Variants in SLC38A8 observed in about 807,000 individuals in gnomAD.
SLC38A8 encodes amino acid transporter SLC38A8.
SLC38A8 carries 65 observed loss-of-function variants against 46.0 expected under a neutral mutation model. That is an observed-to-expected ratio of 1.41 (90% CI 1.16 to 1.74). The LOEUF (loss-of-function observed/expected upper bound fraction) is 1.74. Among genes scored for constraint, SLC38A8 ranks in the 40% most tolerant of loss-of-function variants. The probability of loss-of-function intolerance (pLI) is 0.00; values close to 1 mark genes in which losing one functional copy is unlikely to be tolerated. For missense variants in SLC38A8, 998 were observed against 567.9 expected (o/e 1.76, Z -7.70); for synonymous variants, 447 against 243.7 (o/e 1.83, Z -7.77).
chr16:84,028,487 G>T (rs372415214), intron 6 of SLC38A8, among the ~76,000 whole-genome samples: 1 of 151,046 alleles, frequency 6.6e-6, no homozygotes, highest in East Asian at 1.9e-4. Flanking sequence ...CAGGAGGCTT[G>T]AACCCAGGAG....
intron 6 of SLC38A8, among the ~76,000 whole-genome samples, chr16:84,023,931 T>A (rs151086885): frequency 1.8e-4 from 27 of 152,306 alleles, no homozygotes; most frequent in Non-Finnish European, 3.1e-4. Flanking sequence ...AATGTTTCCG[T>A]TAATGGATGC....
At chr16:84,033,306 C>G in intron 4 of SLC38A8, 22 bp downstream of exon 4, 3 of 1,613,908 alleles carry the variant, frequency 1.9e-6, no homozygotes, top group Non-Finnish European at 2.5e-6. Context: ...GGGCCCCCAC[C>G]AGGCAGCATC....
chr16:84,029,373 G>A (rs979940500), intron 6 of SLC38A8, 121 bp downstream of exon 6: 3 of 989,250 alleles, frequency 3.0e-6, no homozygotes, highest in African/African-American at 3.3e-5. Context: ...AGAGCCCACT[G>A]TATCCTAGGA....
In SLC38A8 at chr16:84,016,551, C is replaced by A. The variant is rs777742885; in HGVS notation, c.1130G>T (p.Gly377Val). The part of the protein sequence containing the change: ...DLSEIVSIIG[G>V]ISSFFIFIFP... ...GATGAAGATGAAGAAGGAACTGATG[C>A]CTCCGATGATGCTGACGATCTCGCT... The change falls in exon 9 of 11, where the codon GGC (glycine) becomes GTC (valine). Residue 377 changes from glycine to valine, a missense_variant. By Grantham distance (109) the Gly-to-Val change is moderately radical (BLOSUM62 -3). Coordinates refer to ENST00000299709, the MANE Select transcript of SLC38A8 (RefSeq NM_001080442.3). 27 of 1,614,082 alleles carry A rather than the reference C, an allele frequency of 1.7e-5. No homozygotes were observed. The highest frequency in any genetic ancestry group is 2.0e-5 in the Non-Finnish European group (24 of 1,180,002).
chr16:84,018,137 G>C (rs1218188267), intron 7 of SLC38A8, among the ~76,000 whole-genome samples: 6 of 151,966 alleles, frequency 3.9e-5, no homozygotes, highest in Non-Finnish European at 7.4e-5. Flanking sequence ...CCACACTGGT[G>C]AGGGCCTTCT....
chr16:84,012,915 G>A (rs1024818233), intron 10 of SLC38A8, 86 bp downstream of exon 10: 10 of 1,429,496 alleles, frequency 7.0e-6, no homozygotes, highest in Non-Finnish European at 9.8e-6. Context: ...CAGAGGATGA[G>A]AAATAGGATC....
chr16:84,017,269 G>A lies in SLC38A8; in HGVS notation c.824C>T (p.Thr275Ile), dbSNP rs760712726. The A allele has an allele frequency of 6.2e-7, 1 of 1,613,986 alleles. No individual in the cohort carries two copies. Among genetic ancestry groups the A allele is most frequent in the Non-Finnish European group, 8.5e-7 (1 of 1,180,038 alleles). The change falls in exon 8 of 11, where the codon ACT becomes ATT. Residue 275 changes from threonine to isoleucine, a missense_variant. By Grantham distance (89) the Thr-to-Ile change is moderately conservative. Coordinates refer to ENST00000299709, the MANE Select transcript of SLC38A8 (RefSeq NM_001080442.3). ...YSLTGVYGFL[T>I]FGTEVSADVL... The stretch of plus-strand genomic sequence containing the variant: ...GTCAGCAGAAACTTCTGTCCCAAAA[G>A]TCAGGAAGCCATAAACCCCTGAAGG...
Position 84,029,507 on chromosome 16 carries a change from C to T in SLC38A8, c.677G>A (p.Cys226Tyr). The T allele has an allele frequency of 3.1e-6, 5 of 1,614,090 alleles. No homozygotes were observed. Among genetic ancestry groups the T allele is most frequent in the Non-Finnish European group, 4.2e-6 (5 of 1,179,994 alleles). ...TSVFSVFPTI[C>Y]FGFQCHEAAV... ...TGCTAAAATTACCTGAAACCCGAAG[C>T]AGATGGTGGGGAAGACACTGAACAC... The change falls in exon 6 of 11, where the codon TGC (cysteine) becomes TAC (tyrosine). Residue 226 changes from cysteine (C) to tyrosine (Y), a missense_variant. By Grantham distance (194) the Cys-to-Tyr change is radical (BLOSUM62 -2). Transcript: ENST00000299709.
chr16:84,038,633 G>A (rs2085329843), intron 2 of SLC38A8, among the ~76,000 whole-genome samples: 1 of 152,198 alleles, frequency 6.6e-6, no homozygotes, highest in South Asian at 2.1e-4. Context: ...GTGTATTGCT[G>A]GAAGATGTAC....
At chr16:84,032,422 C>T (rs913859415) in intron 4 of SLC38A8, among the ~76,000 whole-genome samples, 4 of 152,170 alleles carry the variant, frequency 2.6e-5, no homozygotes, top group South Asian at 2.1e-4. Flanking sequence ...CTGCTGACCT[C>T]GTGATCTGCC....
chr16:84,031,412 C>T (rs1197944745), intron 5 of SLC38A8, among the ~76,000 whole-genome samples: 5 of 152,226 alleles, frequency 3.3e-5, no homozygotes, highest in Non-Finnish European at 7.3e-5. Context: ...AGTCTCCCAA[C>T]TCATCCAGAG....
At chr16:84,037,760 GAA>G (rs1227980678) in intron 2 of SLC38A8, among the ~76,000 whole-genome samples, 8 of 90,438 alleles carry the variant, frequency 8.8e-5, no homozygotes, top group Admixed American at 1.2e-4. Flanking sequence ...GACTGCCTCC[GAA>G]AAAAAAAAAA....
At chr16:84,019,630 C>G (rs1468046652) in intron 7 of SLC38A8, among the ~76,000 whole-genome samples, 2 of 152,190 alleles carry the variant, frequency 1.3e-5, no homozygotes, top group African/African-American at 4.8e-5. Context: ...CAGATAAATA[C>G]CCCATGGTTA....
Position 84,036,920 on chromosome 16 carries a change from C to T in SLC38A8, c.190-20G>A, listed in dbSNP as rs765459012. The T allele has an allele frequency of 6.3e-7, 1 of 1,596,264 alleles. No homozygotes were observed. On this transcript the variant is annotated intron_variant, in intron 2 of 10. Transcript: ENST00000299709. ...CGAGACCTGCGGAGAAGGAGCAGGA[C>T]CTGGAACTGGGGTGTGCCCACAGCC...
At position 84,041,959 on chromosome 16, in the gene SLC38A8, G is replaced by C; in HGVS notation, c.189+10C>G. 2 of 1,572,282 alleles carry C rather than the reference G, an allele frequency of 1.3e-6. No homozygotes were observed. Among genetic ancestry groups the C allele is most frequent in the Non-Finnish European group, 1.7e-6 (2 of 1,157,666 alleles). On this transcript the variant is annotated intron_variant, in intron 2 of 10. Coordinates refer to ENST00000299709, the MANE Select transcript of SLC38A8 (RefSeq NM_001080442.3). ...TACCCGTCCCCAGGACTCACTTCCCGGGGACTTACCAGCTCCACCAGGAAG... is the reference window on the plus strand; with the variant it reads ...TACCCGTCCCCAGGACTCACTTCCCCGGGACTTACCAGCTCCACCAGGAAG...
chr16:84,015,102 T>C (rs1008877493), intron 9 of SLC38A8, among the ~76,000 whole-genome samples: 1 of 152,108 alleles, frequency 6.6e-6, no homozygotes, highest in African/African-American at 2.4e-5. Flanking sequence ...TCGATGTCTG[T>C]TTGGCATGGT....
chr16:84,043,101 T>C (rs575627110), upstream of SLC38A8, among the ~76,000 whole-genome samples: 20 of 152,220 alleles, frequency 1.3e-4, no homozygotes, highest in African/African-American at 4.6e-4. Context: ...GCCTCCTAGG[T>C]GGTTTCCTTT....
At chr16:84,042,840 C>T (rs60819718), upstream of SLC38A8, among the ~76,000 whole-genome samples, 221 of 151,796 alleles carry the variant, frequency 1.5e-3, 1 homozygote, top group African/African-American at 5.1e-3. Context: ...TTAAGACTCC[C>T]GCCTCTCCCC....
intron 7 of SLC38A8, among the ~76,000 whole-genome samples, chr16:84,019,473 G>C (rs1555552947): frequency 6.6e-6 from 1 of 152,224 alleles, no homozygotes; most frequent in Non-Finnish European, 1.5e-5. Flanking sequence ...ATCTGTTTAT[G>C]AGAGCGCTGC....
Sources: gnomAD v4.1 joint callset for allele counts (sites outside exome capture counted in the v4.1 genomes callset) on GRCh38, gnomAD v4.1.1 for gene constraint, MANE v1.5 for transcripts, NCBI Gene and HGNC (gene_info 2026-07-23, HGNC 2026-07-21) for gene names.